The following COL26A1 variants were observed in gnomAD, a reference collection of about 807,000 sequenced individuals.
COL26A1 encodes the protein collagen alpha-1(XXVI) chain.
COL26A1 carries 41 observed loss-of-function variants against 59.3 expected under a neutral mutation model. The observed-to-expected ratio is 0.69, with a 90% CI of 0.54 to 0.90. COL26A1 has a LOEUF of 0.90. Among genes scored for constraint, COL26A1 ranks in the 40% least tolerant of loss-of-function variants. COL26A1 has a pLI of 0.00. For synonymous variants in COL26A1, 266 were observed against 256.0 expected, an observed-to-expected ratio of 1.04 and a Z score of -0.37; for missense variants, 612 against 602.3, an observed-to-expected ratio of 1.02 and a Z score of -0.17.
intron 1 of COL26A1, among the ~76,000 whole-genome samples, chr7:101,390,832 C>T (rs549040140): frequency 1.3e-5 from 2 of 152,280 alleles, no homozygotes; most frequent in Admixed American, 6.5e-5. Flanking sequence ...TCAGGGATTC[C>T]GAGGCTGGGA....
chr7:101,507,498 T>A, intron 3 of COL26A1, among the ~76,000 whole-genome samples: 1 of 152,024 alleles, frequency 6.6e-6, no homozygotes, highest in East Asian at 1.9e-4. Context: ...CACAGTTCAC[T>A]GCAACCTCCA....
At chr7:101,416,022 T>G (rs10441303) in intron 1 of COL26A1, among the ~76,000 whole-genome samples, 17,248 of 143,766 alleles carry the variant, frequency 0.12, 3,005 homozygotes, top group African/African-American at 0.24. Flanking sequence ...AATTTTTTGA[T>G]GTAAGATTAT....
At chr7:101,418,409 C>A (rs1243221253) in intron 1 of COL26A1, among the ~76,000 whole-genome samples, 1 of 152,106 alleles carries the variant, frequency 6.6e-6, no homozygotes, top group Non-Finnish European at 1.5e-5. Context: ...AGGGACCCCT[C>A]CAAATGTCTG....
At chr7:101,497,657 C>T (rs1794618894) in intron 3 of COL26A1, among the ~76,000 whole-genome samples, 1 of 151,798 alleles carries the variant, frequency 6.6e-6, no homozygotes. Flanking sequence ...GCCTCGGCAA[C>T]AGAGCAAGAC....
chr7:101,530,726 A>G (rs950777966), intron 3 of COL26A1, among the ~76,000 whole-genome samples: 10 of 151,858 alleles, frequency 6.6e-5, no homozygotes, highest in African/African-American at 2.4e-4. Context: ...CCTCTTTGGC[A>G]GGCCCCTGTT....
intron 1 of COL26A1, among the ~76,000 whole-genome samples, chr7:101,386,875 A>C (rs1791589040): frequency 6.6e-6 from 1 of 152,166 alleles, no homozygotes; most frequent in African/African-American, 2.4e-5. Context: ...GGGTGGTAGC[A>C]TTGCAAGTTG....
At chr7:101,387,778 A>ATATATATATTTTTTT (rs773025730) in intron 1 of COL26A1, among the ~76,000 whole-genome samples, 1 of 84,836 alleles carries the variant, frequency 1.2e-5, no homozygotes, top group African/African-American at 5.0e-5. Context: ...ATATATATAT[A>ATATATATATTTTTTT]TTTTTTTTTA....
chr7:101,466,791 T>TG, intron 3 of COL26A1, among the ~76,000 whole-genome samples: 1 of 139,396 alleles, frequency 7.2e-6, no homozygotes, highest in East Asian at 2.1e-4. Flanking sequence ...CCCCGGCATG[T>TG]TCTGGTGTGT....
chr7:101,543,047 G>A (rs1237390315), intron 5 of COL26A1, among the ~76,000 whole-genome samples: 14 of 152,162 alleles, frequency 9.2e-5, no homozygotes, highest in Admixed American at 9.2e-4. Flanking sequence ...GGATTCCAGA[G>A]CGCAGGTGGG....
intron 1 of COL26A1, among the ~76,000 whole-genome samples, chr7:101,405,909 G>A (rs1179249677): frequency 6.6e-6 from 1 of 152,196 alleles, no homozygotes; most frequent in Non-Finnish European, 1.5e-5. Flanking sequence ...CTCTCAGGTG[G>A]GGTGGGCCCC....
chr7:101,471,317 A>G (rs1793892571), intron 3 of COL26A1, among the ~76,000 whole-genome samples: 1 of 152,094 alleles, frequency 6.6e-6, no homozygotes, highest in Admixed American at 6.6e-5. Context: ...ACATCACGAT[A>G]CACCCTGTGT....
At chr7:101,424,847 C>T (rs1307873541) in intron 2 of COL26A1, among the ~76,000 whole-genome samples, 2 of 152,120 alleles carry the variant, frequency 1.3e-5, no homozygotes, top group Non-Finnish European at 2.9e-5. Flanking sequence ...TGGTTTGTGG[C>T]AGCCATCTCA....
At chr7:101,393,503 A>G (rs892798272) in intron 1 of COL26A1, among the ~76,000 whole-genome samples, 5 of 152,278 alleles carry the variant, frequency 3.3e-5, no homozygotes, top group Admixed American at 3.3e-4. Context: ...GATGGTGCCC[A>G]CCCAGATTGA....
intron 7 of COL26A1, 136 bp downstream of exon 7, chr7:101,545,626 G>T: frequency 5.7e-6 from 5 of 881,152 alleles, no homozygotes; most frequent in Non-Finnish European, 8.2e-6. Context: ...GCTCACTCCT[G>T]CAGGCCTCCT....
chr7:101,366,474 ATTTTTTTTTTTT>A (rs869149636), intron 1 of COL26A1, among the ~76,000 whole-genome samples: 8 of 76,272 alleles, frequency 1.0e-4, no homozygotes, highest in East Asian at 7.3e-4. Context: ...TTAACGTCTG[ATTTTTTTTTTTT>A]TTTTTTTTTT....
chr7:101,393,257 G>A (rs754934672), intron 1 of COL26A1, among the ~76,000 whole-genome samples: 28 of 152,246 alleles, frequency 1.8e-4, no homozygotes, highest in Non-Finnish European at 3.4e-4. Flanking sequence ...ATGGGAGTTT[G>A]TTAAGGAGTA....
chr7:101,417,308 G>T (rs1037833110), intron 1 of COL26A1, among the ~76,000 whole-genome samples: 8 of 151,700 alleles, frequency 5.3e-5, no homozygotes, highest in Admixed American at 3.9e-4. Context: ...AATGGGAAAC[G>T]AGTGTGTAAG....
chr7:101,462,081 C>A (rs1006621290), intron 3 of COL26A1, among the ~76,000 whole-genome samples: 50 of 149,560 alleles, frequency 3.3e-4, no homozygotes, highest in African/African-American at 1.2e-3. Context: ...CTCACTGCAA[C>A]CTCTGCTTCC....
intron 2 of COL26A1, among the ~76,000 whole-genome samples, chr7:101,437,648 C>T (rs114641270): frequency 0.015 from 2,334 of 151,984 alleles, 58 homozygotes; most frequent in African/African-American, 0.054. Context: ...ATTCACAGCT[C>T]GCTGCAAGCT....
Sources: allele counts gnomAD v4.1 joint callset (sites outside exome capture counted in the v4.1 genomes callset), GRCh38; gene constraint gnomAD v4.1.1; transcripts MANE v1.5; gene names NCBI Gene and HGNC (gene_info 2026-07-23, HGNC 2026-07-21).